The following PTPRN2 variants were observed in gnomAD, a reference collection of about 807,000 sequenced individuals.
PTPRN2 encodes protein tyrosine phosphatase receptor type N2.
PTPRN2 carries 74 observed loss-of-function variants against 118.8 expected under a neutral mutation model. The ratio of observed to expected loss-of-function variants is 0.62; its 90% CI spans 0.52 to 0.76. The LOEUF (loss-of-function observed/expected upper bound fraction) is 0.76. PTPRN2 is among the 30% of genes least tolerant of loss of function. The pLI is 0.00. For synonymous variants in PTPRN2, 641 were observed against 608.0 expected (o/e 1.05, Z -0.80); for missense variants, 1,481 against 1,394.4 (o/e 1.06, Z -0.99).
intron 1 of PTPRN2, among the ~76,000 whole-genome samples, chr7:158,545,570 C>A (rs2129449818): frequency 6.6e-6 from 1 of 152,300 alleles, no homozygotes; most frequent in East Asian, 1.9e-4. Context: ...TGTTCACACC[C>A]CGCTCCGTGT....
intron 10 of PTPRN2, among the ~76,000 whole-genome samples, chr7:158,087,705 A>AAGAG (rs1563416109): frequency 7.3e-6 from 1 of 137,312 alleles, no homozygotes; most frequent in Non-Finnish European, 1.6e-5. Context: ...CCCCTGATGA[A>AAGAG]GGAGGGAGTC....
chr7:157,635,274 G>C (rs1057465313), intron 14 of PTPRN2, among the ~76,000 whole-genome samples: 1 of 152,346 alleles, frequency 6.6e-6, no homozygotes, highest in East Asian at 1.9e-4. Context: ...TGAACTCAGG[G>C]TACAGGCACC....
At chr7:158,085,139 A>C (rs1249338993) in intron 10 of PTPRN2, among the ~76,000 whole-genome samples, 8 of 77,532 alleles carry the variant, frequency 1.0e-4, no homozygotes, top group South Asian at 4.8e-4. Flanking sequence ...CACCCACCAC[A>C]CCCATCCACA....
chr7:157,774,674 C>T lies in PTPRN2; in HGVS notation c.1789-91737G>A, dbSNP rs147834816. ...TGCGGTTAAGGGGTTAGGAAGCTGG[C>T]CTTGGGCTGGATCCAGGACCCCAGA... is the stretch of plus-strand genomic sequence containing the variant. On this transcript the variant is annotated intron_variant, in intron 12 of 22. Coordinates refer to ENST00000389418, the MANE Select transcript of PTPRN2 (RefSeq NM_002847.5). Among the ~76,000 whole-genome samples, 715 of 152,248 alleles carry T rather than the reference C, an allele frequency of 4.7e-3. 6 individuals are homozygous for T. The highest frequency in any genetic ancestry group is 0.017 in the African/African-American group (687 of 41,538).
intron 19 of PTPRN2, among the ~76,000 whole-genome samples, chr7:157,575,248 ACT>A (rs962616529): frequency 2.0e-5 from 3 of 152,022 alleles, no homozygotes; most frequent in Non-Finnish European, 1.5e-5. Flanking sequence ...TTTTTTGAAG[ACT>A]CTATTTCAGG....
intron 2 of PTPRN2, among the ~76,000 whole-genome samples, chr7:158,387,580 T>TGAAGCCCTCTCTGGGTCC (rs1272056517): frequency 1.4e-4 from 1 of 7,004 alleles, no homozygotes; most frequent in African/African-American, 5.4e-4. Flanking sequence ...TCAGCTCAGC[T>TGAAGCCCTCTCTGGGTCC]TGGCCCGGCC....
chr7:157,798,328 G>A (rs533807242), intron 12 of PTPRN2, among the ~76,000 whole-genome samples: 1 of 152,330 alleles, frequency 6.6e-6, no homozygotes, highest in African/African-American at 2.4e-5. Flanking sequence ...AATTGCCTCT[G>A]AGACGAACCT....
At position 158,565,539 on chromosome 7, in the gene PTPRN2, A is replaced by G. The variant is rs1049633240; in HGVS notation, c.112+22019T>C. ...ACAGGGCCTCAGCTCAATGGTGAGA[A>G]ATCTTAACTCGGACGGCAAACTTCC... On this transcript the variant is annotated intron_variant, in intron 1 of 22. Coordinates refer to ENST00000389418, the MANE Select transcript of PTPRN2 (RefSeq NM_002847.5). The surrounding 1 kb of genome is among the most constrained non-coding windows in gnomAD (Gnocchi z 4.6). Among the ~76,000 whole-genome samples the G allele has an allele frequency of 6.6e-6, 1 of 152,168 alleles. No individual in the cohort carries two copies. The highest frequency in any genetic ancestry group is 2.4e-5 in the African/African-American group (1 of 41,434).
At position 158,524,346 on chromosome 7, in the gene PTPRN2, T is replaced by C. The variant is rs547061183; in HGVS notation, c.113-34561A>G. Among the ~76,000 whole-genome samples, 5 of 78,190 alleles carry C rather than the reference T, an allele frequency of 6.4e-5. 1 individual carries two copies. In the South Asian group the frequency reaches 5.0e-3, roughly 78 times the overall value. The allele number at this position is 78,190 out of a possible 152,430, so 51.3% of individuals were successfully genotyped here. ...GAGTCTGCCCTGGAGTGGAGTCGTC[T>C]ACCCTGGAGTGGAGTCATCTGCCCT... is the stretch of plus-strand genomic sequence containing the variant. On this transcript the variant is annotated intron_variant, in intron 1 of 22. Transcript: ENST00000389418.
At chr7:157,954,005 G>A (rs9654711) in intron 11 of PTPRN2, among the ~76,000 whole-genome samples, 90,813 of 151,838 alleles carry the variant, frequency 0.6, 27,441 homozygotes, top group East Asian at 0.83. Context: ...GTTCAGGTTC[G>A]TATCTGAGGC....
At chr7:158,300,541 A>G (rs980519161) in intron 3 of PTPRN2, among the ~76,000 whole-genome samples, 12 of 3,656 alleles carry the variant, frequency 3.3e-3, no homozygotes, top group Non-Finnish European at 0.01. Context: ...AAGACACCCC[A>G]ATCTGCACGC....
chr7:158,037,399 G>T (rs1296143745), intron 11 of PTPRN2, among the ~76,000 whole-genome samples: 1 of 152,138 alleles, frequency 6.6e-6, no homozygotes, highest in Non-Finnish European at 1.5e-5. Flanking sequence ...CACCCAGCTG[G>T]CACAGCCCAC....
At chr7:158,162,416 A>G (rs552945295) in intron 6 of PTPRN2, among the ~76,000 whole-genome samples, 1 of 152,336 alleles carries the variant, frequency 6.6e-6, no homozygotes, top group South Asian at 2.1e-4. Flanking sequence ...TAATAATACA[A>G]TACTATTCAG....
At chr7:158,185,453 T>G (rs1290195459) in intron 5 of PTPRN2, among the ~76,000 whole-genome samples, 1 of 152,212 alleles carries the variant, frequency 6.6e-6, no homozygotes, top group African/African-American at 2.4e-5. Flanking sequence ...GAGGAGAGTT[T>G]CAATCATTAA....
intron 22 of PTPRN2, among the ~76,000 whole-genome samples, chr7:157,547,611 G>C (rs1798387253): frequency 6.6e-6 from 1 of 152,022 alleles, no homozygotes; most frequent in Admixed American, 6.6e-5. Flanking sequence ...TGAACAAGCA[G>C]AAGGAAAGAC....
At chr7:157,684,383 G>T (rs1448862626) in intron 12 of PTPRN2, among the ~76,000 whole-genome samples, 13 of 147,284 alleles carry the variant, frequency 8.8e-5, no homozygotes, top group Non-Finnish European at 1.8e-4. Flanking sequence ...AGGAAAGGGG[G>T]AGGGAGAGGG....
rs141781722 is a variant in PTPRN2 at position 158,065,177 on chromosome 7, G to A, written c.1723+16121C>T. 5.3e-3 allele frequency among the ~76,000 whole-genome samples: 808 copies of A among 152,330 alleles called. 7 individuals carry two copies. The highest frequency in any genetic ancestry group is 0.018 in the African/African-American group (765 of 41,564). Reference sequence around the variant, plus strand: ...AGTGGCTCTGACTGTCTGGTGGCAGGAACCATGCAGTTCACCAGGAACACC... The same window carrying A: ...AGTGGCTCTGACTGTCTGGTGGCAGAAACCATGCAGTTCACCAGGAACACC... On this transcript the variant is annotated intron_variant, in intron 11 of 22. Coordinates refer to ENST00000389418, the MANE Select transcript of PTPRN2 (RefSeq NM_002847.5).
chr7:158,407,221 CGTCCTGGGTCCT>C (rs1563254608), intron 2 of PTPRN2, among the ~76,000 whole-genome samples: 210 of 13,096 alleles, frequency 0.016, 21 homozygotes, highest in Non-Finnish European at 0.023. Context: ...CTGCGTCCTG[CGTCCTGGGTCCT>C]GGGTCCTGGG....
chr7:158,342,112 C>A (rs1235615692), intron 2 of PTPRN2, among the ~76,000 whole-genome samples: 23 of 149,344 alleles, frequency 1.5e-4, no homozygotes, highest in African/African-American at 5.8e-4. Flanking sequence ...GTCACTCACA[C>A]CCACACTCTC....
Sources: allele counts gnomAD v4.1 joint callset (sites outside exome capture counted in the v4.1 genomes callset), GRCh38; gene constraint gnomAD v4.1.1; non-coding constraint Gnocchi (gnomAD v3.1); transcripts MANE v1.5; gene names NCBI Gene and HGNC (gene_info 2026-07-23, HGNC 2026-07-21).